RYR3: variants seen among roughly 807,000 people sequenced by gnomAD.
The protein encoded by RYR3 is ryanodine receptor 3.
In RYR3, 207 loss-of-function variants were observed where a neutral mutation model predicts 584.3. The observed-to-expected ratio is 0.35, with a 90% CI of 0.32 to 0.40. RYR3 has a LOEUF of 0.40. Ranked by LOEUF, RYR3 falls within the 10% of genes least tolerant of loss-of-function variation. The probability of loss-of-function intolerance (pLI) is 1.00; values close to 1 mark genes in which losing one functional copy is unlikely to be tolerated. For synonymous variants in RYR3, 2,416 were observed against 2,248.5 expected (o/e 1.07, Z -2.11); for missense variants, 5,616 against 6,089.2 (o/e 0.92, Z 2.59).
intron 11 of RYR3, 88 bp from the exon 12 acceptor site, chr15:33,566,590 G>A (rs1567552453): frequency 1.4e-6 from 2 of 1,392,132 alleles, no homozygotes; most frequent in Middle Eastern, 1.8e-4. Flanking sequence ...AGGAATAAGA[G>A]GGATGAGGGC....
chr15:33,380,841 T>G (rs1208761754), intron 1 of RYR3, among the ~76,000 whole-genome samples: 1 of 152,212 alleles, frequency 6.6e-6, no homozygotes, highest in African/African-American at 2.4e-5. Flanking sequence ...CCTCGGTTCT[T>G]CTGATTTTGG....
At chr15:33,464,513 T>C (rs2596161) in intron 1 of RYR3, among the ~76,000 whole-genome samples, 12,728 of 122,678 alleles carry the variant, frequency 0.1, 1,104 homozygotes, top group Middle Eastern at 0.13. Flanking sequence ...TACATACACA[T>C]ACACATATAT....
At chr15:33,584,533 T>C in intron 15 of RYR3, 43 bp downstream of exon 15, 1 of 828,092 alleles carries the variant, frequency 1.2e-6, no homozygotes, top group South Asian at 1.6e-5. Flanking sequence ...GATGAAGGGT[T>C]TTTTTTTTCT....
intron 67 of RYR3, among the ~76,000 whole-genome samples, chr15:33,789,887 G>A (rs2075038795): frequency 6.8e-6 from 1 of 146,754 alleles, no homozygotes; most frequent in African/African-American, 2.5e-5. Context: ...TGTTGCCCAG[G>A]GTGGTTTCAA....
intron 67 of RYR3, among the ~76,000 whole-genome samples, chr15:33,795,233 G>A (rs1219588871): frequency 6.6e-6 from 1 of 152,108 alleles, no homozygotes. Context: ...TCTGAAGAGC[G>A]GCTTCTGTTG....
Position 33,739,951 on chromosome 15 carries a change from G to T in RYR3, c.7776G>T (p.Val2592=). The T allele has an allele frequency of 6.2e-7, 1 of 1,613,912 alleles. No homozygotes were observed. Among genetic ancestry groups the T allele is most frequent in the South Asian group, 1.1e-5 (1 of 91,056 alleles). Residue 2592 remains valine, a synonymous_variant, in exon 51 of 104, where the codon GTG becomes GTT. Transcript: ENST00000634891. ...CCACGTTGGAGAAACAGATCTCAGT[G>T]GATGCGGATGGCAACTTTGACCCAA... ...ITATLEKQIS[V]DADGNFDPKP... is the part of the protein sequence containing the mutation.
chr15:33,493,953 T>C (rs904860683), intron 2 of RYR3, among the ~76,000 whole-genome samples: 2 of 152,056 alleles, frequency 1.3e-5, no homozygotes, highest in African/African-American at 4.8e-5. Flanking sequence ...GATGATGATA[T>C]TGATAATTGA....
intron 21 of RYR3, among the ~76,000 whole-genome samples, chr15:33,629,364 G>A (rs1042578129): frequency 3.2e-4 from 48 of 152,344 alleles, no homozygotes; most frequent in Middle Eastern, 3.4e-3. Context: ...ACCAGATTTT[G>A]AAGATTAGTG....
rs756032615 is a variant in RYR3 at position 33,785,760 on chromosome 15, C to T, written c.9367C>T (p.Arg3123Trp). 1.2e-5 allele frequency: 20 copies of T among 1,613,792 alleles called. No homozygotes were observed. The highest frequency in any genetic ancestry group is 6.7e-5 in the African/African-American group (5 of 74,912). ...EINDLAESGA[R>W]YTEMPHVIEV... ...CAACGACCTGGCCGAGTCAGGGGCC[C>T]GGTACACAGAGATGCCCCATGTCAT... is the stretch of plus-strand genomic sequence containing the variant. The change falls in exon 66 of 104, where the codon CGG (arginine) becomes TGG (tryptophan). Residue 3123 changes from arginine (R) to tryptophan (W), a missense_variant. This residue lies in a region of RYR3 where 954 missense variants were observed against 1,132.2 expected (regional missense o/e 0.84). Coordinates refer to ENST00000634891, the MANE Select transcript of RYR3 (RefSeq NM_001036.6).
rs116675085 is a variant in RYR3 at position 33,409,891 on chromosome 15, G to A, written c.52-63528G>A. ...AGTTCCTGTTCTCTTTCTCCTTTAG[G>A]CCTGGATTAAAGAAGGATTGTAATC... On this transcript the variant is annotated intron_variant, in intron 1 of 103. Transcript: ENST00000634891. Among the ~76,000 whole-genome samples the A allele has an allele frequency of 4.3e-3, 661 of 152,204 alleles. 5 individuals carry two copies. The highest frequency in any genetic ancestry group is 0.015 in the African/African-American group (628 of 41,520).
intron 26 of RYR3, 52 bp downstream of exon 26, chr15:33,635,871 C>G (rs181387842): frequency 1.3e-5 from 19 of 1,497,816 alleles, no homozygotes; most frequent in Non-Finnish European, 1.7e-5. Flanking sequence ...TTTTCCTTCT[C>G]CAAACATTTT....
chr15:33,687,200 A>T (rs2065072570), intron 38 of RYR3, among the ~76,000 whole-genome samples: 1 of 152,230 alleles, frequency 6.6e-6, no homozygotes, highest in Non-Finnish European at 1.5e-5. Context: ...CCTTAACCTG[A>T]TAAGCAACTT....
At chr15:33,598,246 C>CAA (rs35785154) in intron 16 of RYR3, among the ~76,000 whole-genome samples, 1,275 of 74,250 alleles carry the variant, frequency 0.017, 48 homozygotes, top group African/African-American at 0.036. Context: ...AAAAATTGCT[C>CAA]AAAAAAAAAA....
At chr15:33,794,347 A>ACATATATTATATATATAT (rs1453088029) in intron 67 of RYR3, among the ~76,000 whole-genome samples, 1 of 74,534 alleles carries the variant, frequency 1.3e-5, no homozygotes, top group Non-Finnish European at 2.9e-5. Context: ...ATATATATAA[A>ACATATATTATATATATAT]AATATATATA....
intron 3 of RYR3, among the ~76,000 whole-genome samples, chr15:33,515,189 C>T (rs568791924): frequency 2.0e-5 from 3 of 152,286 alleles, no homozygotes; most frequent in South Asian, 4.1e-4. Flanking sequence ...CATTGTGAGT[C>T]GATGAAATAG....
In RYR3 at chr15:33,861,060, G is replaced by A; in HGVS notation, c.14365-18G>A. The A allele has an allele frequency of 2.6e-6, 4 of 1,544,228 alleles. No individual in the cohort carries two copies. Among genetic ancestry groups the A allele is most frequent in the Non-Finnish European group, 3.5e-6 (4 of 1,133,930 alleles). On this transcript the variant is annotated intron_variant, in intron 101 of 103. Transcript: ENST00000634891. ...TATTATGCCAACAAATGCCTTTTCT[G>A]CCTGTTATTTTTCTTAGACTAAATG... is the stretch of plus-strand genomic sequence containing the variant.
chr15:33,865,116 T>C lies in RYR3; in HGVS notation c.14518-15T>C. 1 of 1,599,402 alleles carries C rather than the reference T, an allele frequency of 6.3e-7. No homozygotes were observed. ...GTGGTTTAAAAATAAGCACCCGTTGTTCATATTATTTCAGGAATCTTATGT... is the reference window on the plus strand; with the variant it reads ...GTGGTTTAAAAATAAGCACCCGTTGCTCATATTATTTCAGGAATCTTATGT... On this transcript the variant is annotated splice_polypyrimidine_tract_variant and intron_variant, in intron 103 of 103. Transcript: ENST00000634891.
chr15:33,858,071 C>A (rs2079890420), intron 99 of RYR3, 157 bp downstream of exon 99: 4 of 957,420 alleles, frequency 4.2e-6, no homozygotes, highest in Non-Finnish European at 6.0e-6. Flanking sequence ...GATGTCTTCT[C>A]CAAACAGGAG....
intron 86 of RYR3, among the ~76,000 whole-genome samples, chr15:33,833,592 C>CAA (rs1447117333): frequency 6.6e-6 from 1 of 152,216 alleles, no homozygotes; most frequent in Non-Finnish European, 1.5e-5. Flanking sequence ...ATTTGATAAG[C>CAA]ATCTGATTTG....
Sources: allele counts gnomAD v4.1 joint callset (sites outside exome capture counted in the v4.1 genomes callset), GRCh38; gene constraint gnomAD v4.1.1; regional missense constraint gnomAD v4.1.1; transcripts MANE v1.5; gene names NCBI Gene and HGNC (gene_info 2026-07-23, HGNC 2026-07-21).